Variants in KHDRBS3 observed in about 807,000 individuals in gnomAD.
The protein encoded by KHDRBS3 is KH domain-containing, RNA-binding, signal transduction-associated protein 3.
A neutral mutation model predicts 45.6 loss-of-function variants in KHDRBS3; 23 were observed. The ratio of observed to expected loss-of-function variants is 0.50; its 90% CI spans 0.36 to 0.72. The LOEUF is 0.72. Ranked by LOEUF, KHDRBS3 falls within the 30% of genes least tolerant of loss-of-function variation. KHDRBS3 has a pLI of 0.00. For missense variants in KHDRBS3, 352 were observed against 424.8 expected (o/e 0.83, Z 1.51); for synonymous variants, 162 against 156.5 (o/e 1.04, Z -0.26).
At chr8:135,644,652 C>G (rs909462849) in intron 7 of KHDRBS3, among the ~76,000 whole-genome samples, 2 of 152,202 alleles carry the variant, frequency 1.3e-5, no homozygotes, top group African/African-American at 4.8e-5. Context: ...TCCCCCACTC[C>G]CACAGTGCCT....
intron 7 of KHDRBS3, among the ~76,000 whole-genome samples, chr8:135,614,225 T>A (rs1163621172): frequency 6.6e-6 from 1 of 151,862 alleles, no homozygotes; most frequent in Non-Finnish European, 1.5e-5. Context: ...CAAAAATAGA[T>A]GTTGATTACT....
chr8:135,565,007 G>T (rs944689769), intron 5 of KHDRBS3, among the ~76,000 whole-genome samples: 1 of 152,190 alleles, frequency 6.6e-6, no homozygotes, highest in African/African-American at 2.4e-5. Flanking sequence ...GAAACTTGGT[G>T]TGGGAGACAC....
chr8:135,498,646 A>T (rs1823579420), intron 1 of KHDRBS3, among the ~76,000 whole-genome samples: 1 of 152,266 alleles, frequency 6.6e-6, no homozygotes, highest in African/African-American at 2.4e-5. Context: ...TGTTAGAGGC[A>T]TTCAATAAAT....
intron 5 of KHDRBS3, among the ~76,000 whole-genome samples, chr8:135,558,733 C>T (rs943965116): frequency 2.0e-5 from 3 of 152,090 alleles, no homozygotes; most frequent in African/African-American, 4.8e-5. Context: ...AACTTACTTA[C>T]CTGCTTCATT....
At chr8:135,619,466 C>T (rs887311141) in intron 7 of KHDRBS3, among the ~76,000 whole-genome samples, 1 of 150,258 alleles carries the variant, frequency 6.7e-6, no homozygotes, top group Non-Finnish European at 1.5e-5. Flanking sequence ...ATAATTAAAA[C>T]AGTGTCTCAA....
intron 1 of KHDRBS3, among the ~76,000 whole-genome samples, chr8:135,491,725 G>C (rs1266063395): frequency 6.6e-6 from 1 of 152,044 alleles, no homozygotes; most frequent in Admixed American, 6.6e-5. Context: ...ACTCTCACAG[G>C]GGGTCTTCAA....
At chr8:135,573,944 ACACT>A (rs1827828531) in intron 5 of KHDRBS3, among the ~76,000 whole-genome samples, 1 of 152,170 alleles carries the variant, frequency 6.6e-6, no homozygotes, top group South Asian at 2.1e-4. Flanking sequence ...CTCTTCTGTT[ACACT>A]CAGTTTGTGG....
chr8:135,558,959 A>G (rs1466575301), intron 5 of KHDRBS3, among the ~76,000 whole-genome samples: 1 of 152,056 alleles, frequency 6.6e-6, no homozygotes, highest in Non-Finnish European at 1.5e-5. Flanking sequence ...ACATTCCTTG[A>G]TTTGTAGGCA....
intron 7 of KHDRBS3, among the ~76,000 whole-genome samples, chr8:135,638,824 G>A (rs1447547119): frequency 2.0e-5 from 3 of 151,390 alleles, no homozygotes; most frequent in Admixed American, 6.6e-5. Context: ...GGTGGCACGC[G>A]CCTATAGTCC....
chr8:135,473,840 C>T (rs572074324), intron 1 of KHDRBS3, among the ~76,000 whole-genome samples: 6 of 152,178 alleles, frequency 3.9e-5, no homozygotes, highest in Non-Finnish European at 7.3e-5. Flanking sequence ...AGCCTTTAAG[C>T]CTCTTGCTTA....
At chr8:135,644,956 T>G in intron 7 of KHDRBS3, 103 bp from the exon 8 acceptor site, 1 of 1,194,156 alleles carries the variant, frequency 8.4e-7, no homozygotes, top group African/African-American at 1.5e-5. Flanking sequence ...TTTTCAGTCT[T>G]GCCCTTCATT....
chr8:135,651,227 A>G (rs56201352), downstream of KHDRBS3, among the ~76,000 whole-genome samples: 21,049 of 151,892 alleles, frequency 0.14, 1,591 homozygotes, highest in African/African-American at 0.17. Context: ...TTGAGTCAGT[A>G]AGTTAACCTC....
At chr8:135,574,450 A>G (rs1024333391) in intron 5 of KHDRBS3, among the ~76,000 whole-genome samples, 4 of 152,240 alleles carry the variant, frequency 2.6e-5, no homozygotes, top group African/African-American at 9.6e-5. Context: ...GTGATTTCAT[A>G]CACGAGTGGT....
rs539152930 is a variant in KHDRBS3, at chr8:135,554,062, A to T, written c.472-3386A>T. 1.1e-4 allele frequency among the ~76,000 whole-genome samples: 16 copies of T among 152,296 alleles called. No individual in the cohort carries two copies. In the East Asian group the frequency reaches 3.1e-3, roughly 29 times the overall value. ...AAACAGTCACCTAGAATTTTAAAAA[A>T]TTGTCTACAATCACATAGCTGTTAA... is the stretch of plus-strand genomic sequence containing the variant. On this transcript the variant is annotated intron_variant, in intron 4 of 8. Transcript: ENST00000355849.
chr8:135,563,028 A>T (rs1465643972), intron 5 of KHDRBS3, among the ~76,000 whole-genome samples: 1 of 152,032 alleles, frequency 6.6e-6, no homozygotes, highest in African/African-American at 2.4e-5. Flanking sequence ...TTCTTTAATC[A>T]TCTCTGCCAT....
At chr8:135,510,254 T>G (rs1824210261) in intron 1 of KHDRBS3, among the ~76,000 whole-genome samples, 1 of 152,210 alleles carries the variant, frequency 6.6e-6, no homozygotes, top group African/African-American at 2.4e-5. Context: ...TTAGCCACAG[T>G]GCCTGGCTAG....
At chr8:135,589,574 T>G (rs561219228) in intron 6 of KHDRBS3, among the ~76,000 whole-genome samples, 1 of 152,344 alleles carries the variant, frequency 6.6e-6, no homozygotes, top group Non-Finnish European at 1.5e-5. Context: ...CAACTCTGTT[T>G]ACTATTTATA....
At chr8:135,510,281 A>G (rs1431948021) in intron 1 of KHDRBS3, among the ~76,000 whole-genome samples, 2 of 152,178 alleles carry the variant, frequency 1.3e-5, no homozygotes, top group African/African-American at 2.4e-5. Flanking sequence ...TGAAATTGTA[A>G]TGCCTTTATT....
At position 135,593,672 on chromosome 8, in the gene KHDRBS3, C is replaced by A. The variant is rs543605514; in HGVS notation, c.807+11599C>A. Among the ~76,000 whole-genome samples, 3 of 152,152 alleles carry A rather than the reference C, an allele frequency of 2.0e-5. No homozygotes were observed. In the East Asian group the frequency reaches 5.8e-4, roughly 29 times the overall value. ...TTTTTATTTTTTATAGAGACAGGGT[C>A]TCACTTTGTTACCCAGAATGGTCTC... On this transcript the variant is annotated intron_variant, in intron 6 of 8. Transcript: ENST00000355849.
Sources: gnomAD v4.1 joint callset for allele counts (sites outside exome capture counted in the v4.1 genomes callset) on GRCh38, gnomAD v4.1.1 for gene constraint, MANE v1.5 for transcripts, NCBI Gene and HGNC (gene_info 2026-07-23, HGNC 2026-07-21) for gene names.